GRIA1: variants seen among roughly 807,000 people sequenced by gnomAD.
The protein encoded by GRIA1 is glutamate ionotropic receptor AMPA type subunit 1, also known as glutamate receptor 1.
GRIA1 carries 31 observed loss-of-function variants against 99.2 expected under a neutral mutation model. The ratio of observed to expected loss-of-function variants is 0.31; its 90% CI spans 0.23 to 0.42. The LOEUF (loss-of-function observed/expected upper bound fraction) is 0.42. Among genes scored for constraint, GRIA1 ranks in the 10% least tolerant of loss-of-function variants. The pLI is 1.00. For missense variants in GRIA1, 782 were observed against 1,157.5 expected (o/e 0.68, Z 4.71); for synonymous variants, 438 against 432.4 (o/e 1.01, Z -0.16).
chr5:153,657,700 C>A (rs1755055481), intron 5 of GRIA1, among the ~76,000 whole-genome samples: 1 of 152,184 alleles, frequency 6.6e-6, no homozygotes, highest in Admixed American at 6.5e-5. Context: ...TTAGATAGAT[C>A]CCTGCCTTAC....
At chr5:153,699,211 T>G in intron 10 of GRIA1, 138 bp downstream of exon 10, 1 of 669,254 alleles carries the variant, frequency 1.5e-6, no homozygotes, top group Non-Finnish European at 2.7e-6. Flanking sequence ...AACAGATGAG[T>G]CATCCAAAAT....
intron 5 of GRIA1, among the ~76,000 whole-genome samples, chr5:153,662,184 C>T (rs572003346): frequency 1.3e-5 from 2 of 152,334 alleles, no homozygotes; most frequent in Admixed American, 1.3e-4. Context: ...AGTCTGGACA[C>T]ACCCCTGTTC....
At chr5:153,569,158 C>T (rs963945168) in intron 2 of GRIA1, among the ~76,000 whole-genome samples, 1 of 152,198 alleles carries the variant, frequency 6.6e-6, no homozygotes, top group Non-Finnish European at 1.5e-5. Context: ...ACATCTTTGT[C>T]TGCTCCCACT....
intron 4 of GRIA1, among the ~76,000 whole-genome samples, chr5:153,652,617 C>T (rs560813085): frequency 9.9e-5 from 15 of 152,266 alleles, no homozygotes; most frequent in Non-Finnish European, 1.5e-4. Flanking sequence ...GGCAAACTTG[C>T]GTTTTGTAAA....
rs61294273 is a variant in GRIA1, at chr5:153,716,774, G to A, written c.1823+10707G>A. ...CACTTTAAGTAGGAAGGATAAATGGGGAGAAAATGAGGAAATAGAGTCAGA... is the reference window on the plus strand; with the variant it reads ...CACTTTAAGTAGGAAGGATAAATGGAGAGAAAATGAGGAAATAGAGTCAGA... On this transcript the variant is annotated intron_variant, in intron 11 of 15. Transcript: ENST00000285900. 5.3e-3 allele frequency among the ~76,000 whole-genome samples: 809 copies of A among 152,284 alleles called. 6 individuals carry two copies. Among genetic ancestry groups the A allele is most frequent in the African/African-American group, 0.019 (770 of 41,572 alleles).
chr5:153,713,164 T>G (rs1759439823), intron 11 of GRIA1, among the ~76,000 whole-genome samples: 1 of 152,188 alleles, frequency 6.6e-6, no homozygotes, highest in Admixed American at 6.5e-5. Flanking sequence ...ACATGCTGGG[T>G]GAGCGAGGCC....
chr5:153,733,645 C>T (rs568106471), intron 11 of GRIA1, among the ~76,000 whole-genome samples: 1 of 152,142 alleles, frequency 6.6e-6, no homozygotes, highest in South Asian at 2.1e-4. Context: ...CACACATAGG[C>T]TGAAAGCAAT....
At chr5:153,798,712 G>A (rs998345511) in intron 14 of GRIA1, among the ~76,000 whole-genome samples, 2 of 152,146 alleles carry the variant, frequency 1.3e-5, no homozygotes, top group Non-Finnish European at 2.9e-5. Flanking sequence ...CATAAAGAAA[G>A]TTTCAAGTCT....
chr5:153,807,156 C>T (rs1766486842), intron 15 of GRIA1, among the ~76,000 whole-genome samples: 1 of 152,140 alleles, frequency 6.6e-6, no homozygotes, highest in Non-Finnish European at 1.5e-5. Flanking sequence ...GTCTCTTTCC[C>T]CTTTGACATG....
intron 2 of GRIA1, among the ~76,000 whole-genome samples, chr5:153,505,200 A>G (rs1339281706): frequency 2.6e-5 from 4 of 152,222 alleles, no homozygotes. Flanking sequence ...CTGATGAGGC[A>G]CAAGACTGTA....
At chr5:153,669,584 C>T (rs568386712) in intron 5 of GRIA1, among the ~76,000 whole-genome samples, 1 of 152,096 alleles carries the variant, frequency 6.6e-6, no homozygotes, top group African/African-American at 2.4e-5. Flanking sequence ...TACATTAGAG[C>T]TATCTGAGGA....
At chr5:153,656,301 A>G (rs2149465139) in intron 5 of GRIA1, among the ~76,000 whole-genome samples, 1 of 151,162 alleles carries the variant, frequency 6.6e-6, no homozygotes, top group East Asian at 1.9e-4. Context: ...CAAAATTTTA[A>G]CCAGAAACAA....
At chr5:153,753,993 C>G (rs1762660259) in intron 11 of GRIA1, among the ~76,000 whole-genome samples, 1 of 152,164 alleles carries the variant, frequency 6.6e-6, no homozygotes, top group African/African-American at 2.4e-5. Flanking sequence ...CTGAGTCGTT[C>G]TAGTTTTGAA....
At chr5:153,729,397 AAATT>A (rs1034965468) in intron 11 of GRIA1, among the ~76,000 whole-genome samples, 3 of 151,916 alleles carry the variant, frequency 2.0e-5, no homozygotes, top group Admixed American at 6.6e-5. Context: ...TAATAAAATA[AAATT>A]AATTAATTAA....
At chr5:153,555,114 T>A (rs1044679685) in intron 2 of GRIA1, among the ~76,000 whole-genome samples, 3 of 152,132 alleles carry the variant, frequency 2.0e-5, no homozygotes, top group African/African-American at 4.8e-5. Context: ...TTTATCATAA[T>A]GTACATGTCA....
chr5:153,777,490 T>G (rs1192781193), intron 13 of GRIA1, among the ~76,000 whole-genome samples: 1 of 152,198 alleles, frequency 6.6e-6, no homozygotes, highest in Non-Finnish European at 1.5e-5. Flanking sequence ...ATAATAATTT[T>G]GTGCAGCTGC....
At chr5:153,791,705 T>C (rs1353296256) in intron 13 of GRIA1, among the ~76,000 whole-genome samples, 2 of 152,202 alleles carry the variant, frequency 1.3e-5, no homozygotes, top group Non-Finnish European at 2.9e-5. Flanking sequence ...CTTAATACAA[T>C]GCCTGGCCCA....
chr5:153,543,131 G>T (rs994900853), intron 2 of GRIA1, among the ~76,000 whole-genome samples: 1 of 152,178 alleles, frequency 6.6e-6, no homozygotes, highest in Non-Finnish European at 1.5e-5. Context: ...ATGGTAGGAG[G>T]GTTGGTGATG....
At chr5:153,734,215 G>A (rs1264663205) in intron 11 of GRIA1, among the ~76,000 whole-genome samples, 2 of 152,136 alleles carry the variant, frequency 1.3e-5, no homozygotes, top group Non-Finnish European at 2.9e-5. Context: ...TCCTGCATGT[G>A]TAAATTCCCA....
Sources: gnomAD v4.1 joint callset for allele counts (sites outside exome capture counted in the v4.1 genomes callset) on GRCh38, gnomAD v4.1.1 for gene constraint, MANE v1.5 for transcripts, NCBI Gene and HGNC (gene_info 2026-07-23, HGNC 2026-07-21) for gene names.